AKAP19: variants seen among roughly 807,000 people sequenced by gnomAD.
The protein encoded by AKAP19 is small A-kinase anchoring protein.
chr2:189,981,603 A>G, the AKAP19 span, among the ~76,000 whole-genome samples: 3 of 152,016 alleles, frequency 2.0e-5, no homozygotes, highest in Non-Finnish European at 4.4e-5. Flanking sequence ...GGATCTGTGC[A>G]TTTTGCACTT....
At chr2:189,883,890 G>C in the AKAP19 span, among the ~76,000 whole-genome samples, 1 of 151,760 alleles carries the variant, frequency 6.6e-6, no homozygotes, top group African/African-American at 2.4e-5. Context: ...AATCTATATG[G>C]GTCTGCAGAA....
At chr2:190,040,018 C>CATTCTACCATATACATCTGGGTAT in the AKAP19 span, among the ~76,000 whole-genome samples, 2 of 152,158 alleles carry the variant, frequency 1.3e-5, no homozygotes, top group Non-Finnish European at 2.9e-5. Flanking sequence ...GAATGGTTTA[C>CATTCTACCATATACATCTGGGTAT]ATACATCTGG....
chr2:190,017,522 G>T, the AKAP19 span, among the ~76,000 whole-genome samples: 1 of 151,910 alleles, frequency 6.6e-6, no homozygotes, highest in African/African-American at 2.4e-5. Flanking sequence ...AATTAATTTT[G>T]ATCTTACACC....
the AKAP19 span, among the ~76,000 whole-genome samples, chr2:190,070,333 T>A: frequency 1.3e-5 from 2 of 152,084 alleles, no homozygotes; most frequent in East Asian, 3.8e-4. Context: ...TTCTTGAAAT[T>A]TAACATTAAA....
At chr2:190,031,714 A>G in the AKAP19 span, among the ~76,000 whole-genome samples, 1 of 152,200 alleles carries the variant, frequency 6.6e-6, no homozygotes, top group Non-Finnish European at 1.5e-5. Context: ...TTGAGCAATG[A>G]AGATAGTAGT....
At chr2:189,976,028 C>T in the AKAP19 span, among the ~76,000 whole-genome samples, 15 of 152,196 alleles carry the variant, frequency 9.9e-5, no homozygotes, top group South Asian at 6.2e-4. Flanking sequence ...TGGTGAGAAG[C>T]GGCGTTCCTT....
chr2:189,989,521 G>A, the AKAP19 span, among the ~76,000 whole-genome samples: 1 of 151,832 alleles, frequency 6.6e-6, no homozygotes, highest in African/African-American at 2.4e-5. Context: ...GACAAAATAA[G>A]GTAGTTATAT....
At chr2:190,041,695 A>T in the AKAP19 span, among the ~76,000 whole-genome samples, 1 of 152,088 alleles carries the variant, frequency 6.6e-6, no homozygotes, top group African/African-American at 2.4e-5. Context: ...TTCCTTCAAT[A>T]CCTAATTTAT....
chr2:189,992,790 G>A, the AKAP19 span, among the ~76,000 whole-genome samples: 4 of 152,070 alleles, frequency 2.6e-5, no homozygotes, highest in Non-Finnish European at 5.9e-5. Flanking sequence ...CATAAAAGGA[G>A]TTGAGTTCTT....
At chr2:190,133,653 T>C in the AKAP19 span, among the ~76,000 whole-genome samples, 1 of 152,230 alleles carries the variant, frequency 6.6e-6, no homozygotes, top group Non-Finnish European at 1.5e-5. Flanking sequence ...TGGATGCTAT[T>C]CAGCCTTAAA....
chr2:190,014,692 A>G, the AKAP19 span, among the ~76,000 whole-genome samples: 2 of 151,754 alleles, frequency 1.3e-5, no homozygotes, highest in Non-Finnish European at 2.9e-5. Flanking sequence ...ACTGGAGTGT[A>G]GTGGCATGAC....
At chr2:190,043,314 C>G in the AKAP19 span, among the ~76,000 whole-genome samples, 2 of 152,298 alleles carry the variant, frequency 1.3e-5, no homozygotes, top group South Asian at 4.1e-4. Flanking sequence ...TTCTCCCCCT[C>G]CCTTTCTGGG....
chr2:189,970,906 T>C, the AKAP19 span, among the ~76,000 whole-genome samples: 1 of 152,272 alleles, frequency 6.6e-6, no homozygotes, highest in African/African-American at 2.4e-5. Flanking sequence ...CCTATGGCTG[T>C]AATTTGCATT....
chr2:190,160,594 C>A, the AKAP19 span, among the ~76,000 whole-genome samples: 2 of 152,104 alleles, frequency 1.3e-5, no homozygotes, highest in Admixed American at 6.5e-5. Flanking sequence ...GGATATAATT[C>A]TTTCCCATTT....
At chr2:189,991,045 G>C in the AKAP19 span, among the ~76,000 whole-genome samples, 2 of 152,166 alleles carry the variant, frequency 1.3e-5, no homozygotes, top group African/African-American at 4.8e-5. Context: ...TTATGGCTGA[G>C]TAGTATTCCA....
At chr2:190,202,849 T>C in the AKAP19 span, 2 of 167,072 alleles carry the variant, frequency 1.2e-5, no homozygotes, top group Non-Finnish European at 2.9e-5. Flanking sequence ...CCCACAAACA[T>C]GTTTCACTGC....
At chr2:190,194,447 AG>A in the AKAP19 span, among the ~76,000 whole-genome samples, 5 of 150,896 alleles carry the variant, frequency 3.3e-5, no homozygotes, top group Non-Finnish European at 5.9e-5. Flanking sequence ...AAAATGGAGC[AG>A]GAAGTAGTGT....
the AKAP19 span, among the ~76,000 whole-genome samples, chr2:189,886,293 T>C: frequency 5.9e-5 from 9 of 152,142 alleles, no homozygotes; most frequent in African/African-American, 2.2e-4. Flanking sequence ...TAATATACTT[T>C]ATTGAACATT....
the AKAP19 span, among the ~76,000 whole-genome samples, chr2:189,966,533 G>T: frequency 6.6e-6 from 1 of 152,170 alleles, no homozygotes; most frequent in African/African-American, 2.4e-5. Context: ...GTTTGGGATG[G>T]GAAGAGGAGG....
Sources: gnomAD v4.1 joint callset for allele counts (sites outside exome capture counted in the v4.1 genomes callset) on GRCh38, gnomAD v4.1.1 for gene constraint, MANE v1.5 for transcripts, NCBI Gene and HGNC (gene_info 2026-07-23, HGNC 2026-07-21) for gene names.